Variants in PKD1L3 observed in about 807,000 individuals in gnomAD.
PKD1L3 encodes polycystin 1 like 3, transient receptor potential channel interacting.
PKD1L3 carries 239 observed loss-of-function variants against 184.1 expected under a neutral mutation model. That is an observed-to-expected ratio of 1.30 (90% confidence interval 1.17 to 1.45). PKD1L3 has a LOEUF of 1.45. PKD1L3 is among the 40% of genes most tolerant of loss of function. The pLI, the probability that PKD1L3 is intolerant of heterozygous loss-of-function variation, is 0.00. For synonymous variants in PKD1L3, 996 were observed against 778.8 expected (o/e 1.28, Z -4.64); for missense variants, 2,660 against 2,067.2 (o/e 1.29, Z -5.56).
chr16:71,986,030 T>C (rs2040347480), intron 5 of PKD1L3, among the ~76,000 whole-genome samples, 191 bp downstream of exon 5: 1 of 152,242 alleles, frequency 6.6e-6, no homozygotes, highest in Non-Finnish European at 1.5e-5. Context: ...GTGTCATTAA[T>C]GAAACGTTGG....
intron 1 of PKD1L3, among the ~76,000 whole-genome samples, chr16:71,999,409 T>C (rs1273898930): frequency 6.6e-6 from 1 of 152,172 alleles, no homozygotes; most frequent in East Asian, 1.9e-4. Context: ...ACCATCAAAG[T>C]TTCTGTCTTT....
chr16:71,956,506 A>T (rs1286274523), intron 16 of PKD1L3, among the ~76,000 whole-genome samples: 1 of 152,092 alleles, frequency 6.6e-6, no homozygotes, highest in Non-Finnish European at 1.5e-5. Flanking sequence ...AAAGGAAGGA[A>T]ATTCTTGCAC....
chr16:71,983,993 C>G, intron 6 of PKD1L3, 43 bp downstream of exon 6: 1 of 1,545,128 alleles, frequency 6.5e-7, no homozygotes, highest in Non-Finnish European at 8.8e-7. Flanking sequence ...TTCCGCTTTT[C>G]CCTCTCTCCT....
At chr16:71,963,091 T>G in intron 16 of PKD1L3, 114 bp downstream of exon 16, 2 of 1,183,302 alleles carry the variant, frequency 1.7e-6, no homozygotes, top group South Asian at 3.9e-5. Flanking sequence ...TTATGTATGT[T>G]TGAAATAATA....
At chr16:71,984,006 C>T in intron 6 of PKD1L3, 30 bp downstream of exon 6, 1 of 1,550,086 alleles carries the variant, frequency 6.5e-7, no homozygotes, top group Non-Finnish European at 8.7e-7. Flanking sequence ...TCTCTCCTAC[C>T]TTCTTCCCTC....
rs559511879 is a variant in PKD1L3, at chr16:71,978,302, C to T, written c.1480G>A (p.Ala494Thr). 1.4e-4 allele frequency: 219 copies of T among 1,550,434 alleles called. 1 individual carries two copies. The South Asian group carries it at 2.0e-3, about 14-fold the overall frequency. Residue 494 changes from alanine to threonine, a missense_variant, in exon 10 of 30, where the codon GCT becomes ACT. Coordinates refer to ENST00000620267, the MANE Select transcript of PKD1L3 (RefSeq NM_181536.2). ...VGSIGSVLLS[A>T]NRKLLQVHDL... ...TGGACTTGGAGCAATTTACGATTAG[C>T]GCTTAGTAACACACTTCCAATGCTT...
chr16:71,936,821 A>G (rs1342934283), intron 25 of PKD1L3, among the ~76,000 whole-genome samples: 1 of 152,090 alleles, frequency 6.6e-6, no homozygotes, highest in Non-Finnish European at 1.5e-5. Context: ...CTTGCTTGGT[A>G]TTACTTCATA....
intron 9 of PKD1L3, 43 bp downstream of exon 9, chr16:71,979,743 C>T: frequency 6.8e-7 from 1 of 1,464,110 alleles, no homozygotes. Context: ...ACATGGCCAT[C>T]AGATCCCATT....
At chr16:71,998,670 C>T (rs748448137) in intron 1 of PKD1L3, among the ~76,000 whole-genome samples, 1 of 152,048 alleles carries the variant, frequency 6.6e-6, no homozygotes, top group Non-Finnish European at 1.5e-5. Context: ...AGGCTGGTCT[C>T]GAACTCCTGA....
rs1559400 is a variant in PKD1L3, at chr16:71,977,294, A to C, written c.1701T>G (p.Pro567=). The C allele has an allele frequency of 0.77, 1,188,563 of 1,533,732 alleles. 463,262 individuals are homozygous for C. Among genetic ancestry groups the C allele is most frequent in the South Asian group, 0.85 (71,428 of 83,724 alleles). The change falls in exon 11 of 30, where the codon CCT becomes CCG. Residue 567 remains proline (P), a synonymous_variant. Transcript: ENST00000620267. The stretch of plus-strand genomic sequence containing the variant: ...TGTTCAGGTGGAAGTGAGTGCAGTT[A>C]GGCTGATACTGGAACCCCAGGTAGA... The part of the protein sequence containing the change: ...MTLYLGFQYQ[P]NCTHFHLNIT...
intron 16 of PKD1L3, among the ~76,000 whole-genome samples, chr16:71,958,077 A>G (rs901330246): frequency 1.3e-5 from 2 of 152,162 alleles, no homozygotes; most frequent in Admixed American, 6.5e-5. Flanking sequence ...ATAGCTAACT[A>G]TGAGTCAAGA....
rs776916182 is a variant in PKD1L3 at position 71,937,345 on chromosome 16, T to C, written c.4399A>G (p.Ile1467Val). The C allele has an allele frequency of 6.8e-5, 106 of 1,551,542 alleles. No homozygotes were observed. Among genetic ancestry groups the C allele is most frequent in the East Asian group, 1.5e-4 (6 of 40,940 alleles). ...QMSKKGCVWS[I>V]ISQVIYYLLV... The stretch of plus-strand genomic sequence containing the variant: ...AGATAATAGATGACTTGTGAGATGA[T>C]AGACCAGACACAGCCCTTCTTTGAC... Residue 1467 changes from isoleucine (I) to valine (V), a missense_variant, in exon 25 of 30, where the codon ATC becomes GTC. Ile to Val is a conservative substitution (Grantham distance 29). Transcript: ENST00000620267.
chr16:71,947,793 T>C (rs2038676593), intron 21 of PKD1L3, among the ~76,000 whole-genome samples: 1 of 152,210 alleles, frequency 6.6e-6, no homozygotes, highest in Non-Finnish European at 1.5e-5. Flanking sequence ...AATGCTAATA[T>C]TCATATTTTT....
intron 12 of PKD1L3, 74 bp from the exon 13 acceptor site, chr16:71,970,179 A>G: frequency 8.8e-7 from 1 of 1,137,104 alleles, no homozygotes; most frequent in Non-Finnish European, 1.3e-6. Flanking sequence ...AACAAACACC[A>G]GCAATTTAGA....
At chr16:71,984,840 C>G (rs1338916038) in intron 5 of PKD1L3, among the ~76,000 whole-genome samples, 1 of 152,156 alleles carries the variant, frequency 6.6e-6, no homozygotes, top group African/African-American at 2.4e-5. Context: ...GCCTGGGCGA[C>G]AGATCGAGAA....
At chr16:71,962,415 G>C (rs1021713093) in intron 16 of PKD1L3, among the ~76,000 whole-genome samples, 1 of 152,192 alleles carries the variant, frequency 6.6e-6, no homozygotes, top group Admixed American at 6.5e-5. Flanking sequence ...AGATACAGAA[G>C]TTGATACGTA....
rs1281120423 is a variant in PKD1L3 at position 71,970,012 on chromosome 16, T to C, written c.2047A>G (p.Asn683Asp). ...AACAGTTTGATCGTGTCTTCAACAT[T>C]CACGGTCCTGGGCACGACAAAGAAG... is the stretch of plus-strand genomic sequence containing the variant. ...SDFFVVPRTV[N>D]VEDTIKLFLR... The change falls in exon 13 of 30, where the codon AAT (asparagine) becomes GAT (aspartate). Residue 683 changes from asparagine to aspartate, a missense_variant. Transcript: ENST00000620267. 4 of 1,551,588 alleles carry C rather than the reference T, an allele frequency of 2.6e-6. No individual in the cohort carries two copies. The highest frequency in any genetic ancestry group is 3.5e-6 in the Non-Finnish European group (4 of 1,147,006).
intron 15 of PKD1L3, among the ~76,000 whole-genome samples, chr16:71,966,300 G>A (rs2039499623): frequency 1.3e-5 from 2 of 152,042 alleles, no homozygotes; most frequent in African/African-American, 4.8e-5. Context: ...GCTGCTCAAG[G>A]AAGATACTGA....
rs2039971034 is a variant in PKD1L3 at position 71,977,415 on chromosome 16, A to G, written c.1580T>C (p.Met527Thr). The change falls in exon 11 of 30, where the codon ATG becomes ACG. Residue 527 changes from methionine (M) to threonine (T), a missense_variant. Met to Thr is a moderately conservative substitution (Grantham distance 81). Transcript: ENST00000620267. ...SLETHPTSLN[M>T]STHQLTITVN... ...TGTGATTGTAAGCTGATGTGTGCTC[A>G]TGTTGAGGCTGGTGGGATGGGTTTC... is the stretch of plus-strand genomic sequence containing the variant. 1 of 1,551,640 alleles carries G rather than the reference A, an allele frequency of 6.4e-7. No individual in the cohort carries two copies. Among genetic ancestry groups the G allele is most frequent in the East Asian group, 2.4e-5 (1 of 40,920 alleles).
Sources: allele counts gnomAD v4.1 joint callset (sites outside exome capture counted in the v4.1 genomes callset), GRCh38; gene constraint gnomAD v4.1.1; transcripts MANE v1.5; gene names NCBI Gene and HGNC (gene_info 2026-07-23, HGNC 2026-07-21).